Variants in AQR observed in about 807,000 individuals in gnomAD.
AQR encodes aquarius intron-binding spliceosomal factor.
Under a neutral mutation model 180.5 loss-of-function variants are expected in AQR, and 61 were observed. That is an observed-to-expected ratio of 0.34 (90% CI 0.28 to 0.42). The LOEUF (loss-of-function observed/expected upper bound fraction) is 0.42. Among genes scored for constraint, AQR ranks in the 10% least tolerant of loss-of-function variants. The probability of loss-of-function intolerance (pLI) is 1.00; values close to 1 mark genes in which losing one functional copy is unlikely to be tolerated. For synonymous variants in AQR, 551 were observed against 588.8 expected, an observed-to-expected ratio of 0.94 and a Z score of 0.93; for missense variants, 1,281 against 1,798.3, an observed-to-expected ratio of 0.71 and a Z score of 5.20.
chr15:34,920,324 A>G lies in AQR; in HGVS notation c.1221+8T>C, dbSNP rs1893664483. On this transcript the variant is annotated splice_region_variant and intron_variant, in intron 14 of 34. Coordinates refer to ENST00000156471, the MANE Select transcript of AQR (RefSeq NM_014691.3). ...CACATGCAAAATTCAGAGAACATTA[A>G]TATTTACCAGCAATTCTAGAAGAAA... 1.3e-6 allele frequency: 2 copies of G among 1,585,200 alleles called. No individual in the cohort carries two copies. Among genetic ancestry groups the G allele is most frequent in the Non-Finnish European group, 8.7e-7 (1 of 1,156,034 alleles).
chr15:34,956,914 T>G (rs1220495026), intron 3 of AQR, among the ~76,000 whole-genome samples: 4 of 152,182 alleles, frequency 2.6e-5, no homozygotes, highest in Admixed American at 1.3e-4. Flanking sequence ...ATCTGGCACA[T>G]AGTAAGCACT....
chr15:34,961,054 A>T (rs1009949446), intron 2 of AQR, among the ~76,000 whole-genome samples: 8 of 152,220 alleles, frequency 5.3e-5, no homozygotes, highest in African/African-American at 1.9e-4. Context: ...CATTAAAATG[A>T]TGTGCTTATA....
intron 13 of AQR, among the ~76,000 whole-genome samples, chr15:34,921,317 C>T (rs1893681005): frequency 6.6e-6 from 1 of 151,432 alleles, no homozygotes; most frequent in Non-Finnish European, 1.5e-5. Flanking sequence ...GCCTGTAGTC[C>T]CAGCTACTCA....
Position 34,860,091 on chromosome 15 carries a change from A to T in AQR, c.4094T>A (p.Val1365Glu). ...TATCAAATGCATGTACATGTTGTAT[A>T]CAAAGTTTGCCATCTGGGGCATATT... ...IKNMPQMANF[V>E]YNMYMHLIQT... The change falls in exon 34 of 35, where the codon GTA becomes GAA. Residue 1365 changes from valine (V) to glutamate (E), a missense_variant. By Grantham distance (121) the Val-to-Glu change is moderately radical. Transcript: ENST00000156471. The T allele has an allele frequency of 6.6e-7, 1 of 1,526,410 alleles. No individual in the cohort carries two copies. 94.6% of individuals were successfully genotyped at this position (1,526,410 alleles called of 1,614,324 possible). A position where few individuals can be genotyped will look rare whatever the true frequency, so the allele number is the denominator to read the frequency against.
At chr15:34,907,486 A>T (rs1470108458) in intron 17 of AQR, among the ~76,000 whole-genome samples, 1 of 152,250 alleles carries the variant, frequency 6.6e-6, no homozygotes, top group Admixed American at 6.5e-5. Context: ...TACATGACAT[A>T]AATGTAAATG....
intron 32 of AQR, among the ~76,000 whole-genome samples, chr15:34,866,205 T>C (rs891207670): frequency 1.3e-5 from 2 of 152,098 alleles, no homozygotes; most frequent in Admixed American, 6.6e-5. Flanking sequence ...AAAAGTTTGA[T>C]AAAATTCTAG....
At chr15:34,919,557 A>C (rs1189194554) in intron 14 of AQR, among the ~76,000 whole-genome samples, 1 of 152,182 alleles carries the variant, frequency 6.6e-6, no homozygotes, top group Non-Finnish European at 1.5e-5. Context: ...AGACCTTAAT[A>C]GGCACAGGAT....
At chr15:34,936,689 C>G (rs1359571836) in intron 9 of AQR, among the ~76,000 whole-genome samples, 1 of 151,044 alleles carries the variant, frequency 6.6e-6, no homozygotes, top group Non-Finnish European at 1.5e-5. Context: ...GCACTCCAGC[C>G]TGGGAGACAG....
chr15:34,876,635 G>T (rs1472511989), intron 27 of AQR, among the ~76,000 whole-genome samples: 1 of 151,858 alleles, frequency 6.6e-6, no homozygotes, highest in Non-Finnish European at 1.5e-5. Context: ...CTCCTCTAAG[G>T]CACTTATACA....
At chr15:34,897,125 C>T (rs923229981) in intron 21 of AQR, among the ~76,000 whole-genome samples, 159 bp from the exon 22 acceptor site, 1 of 152,182 alleles carries the variant, frequency 6.6e-6, no homozygotes, top group Non-Finnish European at 1.5e-5. Flanking sequence ...CCCCTCAACA[C>T]AGACAATTAA....
Position 34,868,915 on chromosome 15 carries a change from GT to G in AQR, c.3769-1307del, listed in dbSNP as rs562776877. The G allele has an allele frequency of 2.5e-3, 376 of 152,236 alleles. 3 individuals are homozygous for G. The highest frequency in any genetic ancestry group is 8.5e-3 in the African/African-American group (354 of 41,542). 9.4% of individuals were successfully genotyped at this position (152,236 alleles called of 1,614,324 possible). On this transcript the variant is annotated intron_variant, in intron 31 of 34. Coordinates refer to ENST00000156471, the MANE Select transcript of AQR (RefSeq NM_014691.3). ...TCACCTTTTCATGAAAAGTTGGCCT[GT>G]TTCTAGTTTGAAGCTATCTTGCATA...
chr15:34,959,928 G>A (rs570419035), intron 3 of AQR, among the ~76,000 whole-genome samples: 2 of 152,274 alleles, frequency 1.3e-5, no homozygotes, highest in South Asian at 4.1e-4. Flanking sequence ...ATCACTTGGG[G>A]CCAGCAGTTT....
At chr15:34,900,477 C>T in intron 20 of AQR, 145 bp downstream of exon 20, 1 of 975,294 alleles carries the variant, frequency 1.0e-6, no homozygotes, top group African/African-American at 1.6e-5. Context: ...ATAAAGTTAT[C>T]CCAGTGATTG....
chr15:34,871,952 T>C (rs928673393), intron 30 of AQR, among the ~76,000 whole-genome samples: 4 of 140,178 alleles, frequency 2.9e-5, no homozygotes, highest in African/African-American at 8.1e-5. Context: ...ATAAACACAA[T>C]ATTTAAAAAA....
intron 4 of AQR, among the ~76,000 whole-genome samples, chr15:34,948,679 A>T (rs898206110): frequency 3.3e-5 from 5 of 151,942 alleles, no homozygotes; most frequent in Non-Finnish European, 7.4e-5. Context: ...ACACGCCTGT[A>T]ATCCCAGCTA....
chr15:34,903,101 G>A (rs1167172831), intron 19 of AQR, among the ~76,000 whole-genome samples: 1 of 152,124 alleles, frequency 6.6e-6, no homozygotes, highest in Admixed American at 6.6e-5. Context: ...CCCATGTCAG[G>A]TGAGGAAAAG....
At chr15:34,902,869 A>G (rs7164977) in intron 19 of AQR, among the ~76,000 whole-genome samples, 117,336 of 151,984 alleles carry the variant, frequency 0.77, 45,867 homozygotes, top group Middle Eastern at 0.87. Context: ...CTAAGGATAC[A>G]CTGGCAGACA....
At chr15:34,899,028 G>A (rs1893291518) in intron 20 of AQR, among the ~76,000 whole-genome samples, 1 of 151,398 alleles carries the variant, frequency 6.6e-6, no homozygotes, top group Admixed American at 6.6e-5. Context: ...AAAATTGCCA[G>A]GCGTGGTGGC....
intron 26 of AQR, among the ~76,000 whole-genome samples, chr15:34,883,733 C>T (rs1357534149): frequency 6.6e-6 from 1 of 152,130 alleles, no homozygotes; most frequent in Non-Finnish European, 1.5e-5. Context: ...TATAGGACCG[C>T]TGTAATTTTT....
Sources: gnomAD v4.1 joint callset for allele counts (sites outside exome capture counted in the v4.1 genomes callset) on GRCh38, gnomAD v4.1.1 for gene constraint, MANE v1.5 for transcripts, NCBI Gene and HGNC (gene_info 2026-07-23, HGNC 2026-07-21) for gene names.